Variants in PTPRD observed in about 807,000 individuals in gnomAD.
PTPRD encodes receptor-type tyrosine-protein phosphatase delta.
Under a neutral mutation model 214.5 loss-of-function variants are expected in PTPRD, and 34 were observed. That is an observed-to-expected ratio of 0.16 (90% CI 0.12 to 0.21). PTPRD has a LOEUF of 0.21. PTPRD is among the 10% of genes least tolerant of loss of function. The probability of loss-of-function intolerance (pLI) is 1.00; values close to 1 mark genes in which losing one functional copy is unlikely to be tolerated. For missense variants in PTPRD, 2,545 were observed against 2,398.7 expected, an observed-to-expected ratio of 1.06 and a Z score of -1.27; for synonymous variants, 1,128 against 845.7, an observed-to-expected ratio of 1.33 and a Z score of -5.79.
intron 26 of PTPRD, among the ~76,000 whole-genome samples, chr9:8,493,280 C>A (rs1380273376): frequency 1.3e-5 from 2 of 152,126 alleles, no homozygotes; most frequent in Admixed American, 6.6e-5. Flanking sequence ...CTTGGACAGA[C>A]CAAGTATGTT....
intron 11 of PTPRD, among the ~76,000 whole-genome samples, chr9:8,738,311 T>C (rs2090998050): frequency 1.3e-5 from 2 of 152,220 alleles, no homozygotes; most frequent in African/African-American, 4.8e-5. Flanking sequence ...AACACTTTTC[T>C]GTAATAAGTA....
At chr9:10,238,901 G>A (rs986724453) in intron 3 of PTPRD, among the ~76,000 whole-genome samples, 1 of 151,872 alleles carries the variant, frequency 6.6e-6, no homozygotes, top group Non-Finnish European at 1.5e-5. Context: ...AACCTGGGAG[G>A]CAGTATGTTT....
chr9:10,370,720 A>C (rs1274141045), intron 2 of PTPRD, among the ~76,000 whole-genome samples: 1 of 152,048 alleles, frequency 6.6e-6, no homozygotes, highest in Non-Finnish European at 1.5e-5. Flanking sequence ...TTTTTCTTAA[A>C]TATTAAAAAA....
intron 5 of PTPRD, among the ~76,000 whole-genome samples, chr9:9,810,315 A>G (rs1399733127): frequency 6.6e-6 from 1 of 152,088 alleles, no homozygotes; most frequent in Non-Finnish European, 1.5e-5. Flanking sequence ...ATAGCCTTCT[A>G]TTGAAAAAGG....
At chr9:10,245,347 T>A (rs2091902459) in intron 3 of PTPRD, among the ~76,000 whole-genome samples, 1 of 152,168 alleles carries the variant, frequency 6.6e-6, no homozygotes, top group South Asian at 2.1e-4. Flanking sequence ...AATCTGATAA[T>A]CAAAGTATTG....
intron 2 of PTPRD, among the ~76,000 whole-genome samples, chr9:10,490,343 C>T (rs1346420101): frequency 1.3e-5 from 2 of 151,860 alleles, no homozygotes; most frequent in African/African-American, 4.8e-5. Flanking sequence ...TATTTACCAA[C>T]AATAAGATGA....
intron 2 of PTPRD, among the ~76,000 whole-genome samples, chr9:10,535,208 T>C (rs763709673): frequency 1.3e-5 from 2 of 152,150 alleles, no homozygotes; most frequent in East Asian, 1.9e-4. Flanking sequence ...CTGTAGCAGA[T>C]TGCTGCTTTA....
intron 3 of PTPRD, among the ~76,000 whole-genome samples, chr9:10,110,500 TGA>T (rs1295228384): frequency 6.6e-6 from 1 of 151,954 alleles, no homozygotes; most frequent in African/African-American, 2.4e-5. Flanking sequence ...AATGAAAAAG[TGA>T]ATCACAGAGA....
Position 10,273,060 on chromosome 9 carries a change from T to C in PTPRD, c.-545+67903A>G, listed in dbSNP as rs2094503900. 2.6e-5 allele frequency among the ~76,000 whole-genome samples: 4 copies of C among 152,162 alleles called. No homozygotes were observed. In the East Asian group the frequency reaches 7.7e-4, roughly 29 times the overall value. ...AAATGCTCTGATGATTGGCACAATG[T>C]GTATGCAGCTGTTTTCCTCTAATTT... is the stretch of plus-strand genomic sequence containing the variant. On this transcript the variant is annotated intron_variant, in intron 3 of 45. Coordinates refer to ENST00000381196, the MANE Select transcript of PTPRD (RefSeq NM_002839.4).
intron 7 of PTPRD, among the ~76,000 whole-genome samples, chr9:9,660,340 C>G (rs965181224): frequency 6.6e-6 from 1 of 151,892 alleles, no homozygotes; most frequent in African/African-American, 2.4e-5. Flanking sequence ...GGTAAGGGGG[C>G]AAGCAAGAGG....
At chr9:10,472,849 A>G (rs1398900230) in intron 2 of PTPRD, among the ~76,000 whole-genome samples, 1 of 152,044 alleles carries the variant, frequency 6.6e-6, no homozygotes, top group Non-Finnish European at 1.5e-5. Flanking sequence ...AACTCAAGTT[A>G]TTTAAAAATA....
At position 8,436,697 on chromosome 9, in the gene PTPRD, A is replaced by T. The variant is rs1157525150; in HGVS notation, c.3989-8T>A. ...GAGGATGGCTAGCCATACCTATTGA[A>T]AAAAGCAAAGAAGAAACACATTTGA... is the stretch of plus-strand genomic sequence containing the variant. On this transcript the variant is annotated splice_polypyrimidine_tract_variant and splice_region_variant and intron_variant, in intron 34 of 45. Transcript: ENST00000381196. The T allele has an allele frequency of 2.5e-6, 4 of 1,600,736 alleles. No individual in the cohort carries two copies. Among genetic ancestry groups the T allele is most frequent in the Non-Finnish European group, 3.4e-6 (4 of 1,168,960 alleles).
rs188733556 is a variant in PTPRD, at chr9:9,594,738, C to T, written c.-286-19957G>A. On this transcript the variant is annotated intron_variant, in intron 7 of 45. Transcript: ENST00000381196. ...GATTTATTCTTTTTGCTTAGTCTAG[C>T]TTTGGCTATGTCGGCTTTTTGCACA... is the stretch of plus-strand genomic sequence containing the variant. Among the ~76,000 whole-genome samples the T allele has an allele frequency of 7.2e-5, 11 of 152,068 alleles. No individual in the cohort carries two copies. In the East Asian group the frequency reaches 1.9e-3, roughly 27 times the overall value.
At chr9:9,528,217 T>G (rs528972373) in intron 8 of PTPRD, among the ~76,000 whole-genome samples, 1 of 152,120 alleles carries the variant, frequency 6.6e-6, no homozygotes, top group Non-Finnish European at 1.5e-5. Flanking sequence ...CACTGAGCAA[T>G]TGTCTGTGTA....
intron 10 of PTPRD, among the ~76,000 whole-genome samples, chr9:9,066,478 A>G (rs34189523): frequency 0.066 from 10,021 of 152,170 alleles, 446 homozygotes; most frequent in African/African-American, 0.13. Flanking sequence ...TAGTAGGCTA[A>G]AAAAATGGTC....
At chr9:9,565,595 T>C (rs77132239) in intron 8 of PTPRD, among the ~76,000 whole-genome samples, 2,772 of 152,002 alleles carry the variant, frequency 0.018, 46 homozygotes, top group Admixed American at 0.025. Context: ...TTTTAACATA[T>C]AAGAAATATA....
At chr9:9,349,752 C>G (rs769366610) in intron 9 of PTPRD, among the ~76,000 whole-genome samples, 4 of 149,066 alleles carry the variant, frequency 2.7e-5, no homozygotes, top group Non-Finnish European at 5.9e-5. Flanking sequence ...TGGCACCCAT[C>G]ACATGTTTTT....
At chr9:9,218,301 T>A (rs1443648613) in intron 9 of PTPRD, among the ~76,000 whole-genome samples, 3 of 152,156 alleles carry the variant, frequency 2.0e-5, no homozygotes, top group Admixed American at 2.0e-4. Context: ...AGATAGGCCT[T>A]GAATGTTGCT....
intron 11 of PTPRD, among the ~76,000 whole-genome samples, chr9:8,863,783 A>G (rs1211073361): frequency 1.3e-5 from 2 of 152,214 alleles, no homozygotes. Context: ...CTGAGGAAAC[A>G]AATTGCCTAG....
Sources: allele counts gnomAD v4.1 joint callset (sites outside exome capture counted in the v4.1 genomes callset), GRCh38; gene constraint gnomAD v4.1.1; transcripts MANE v1.5; gene names NCBI Gene and HGNC (gene_info 2026-07-23, HGNC 2026-07-21).